The following SAXO1 variants were observed in gnomAD, a reference collection of about 807,000 sequenced individuals.
The protein encoded by SAXO1 is stabilizer of axonemal microtubules 1.
Under a neutral mutation model 17.5 loss-of-function variants are expected in SAXO1, and 21 were observed. The observed-to-expected ratio is 1.20, with a 90% confidence interval of 0.85 to 1.72. The LOEUF is 1.72. Ranked by LOEUF, SAXO1 falls within the 40% of genes most tolerant of loss-of-function variation. The probability of loss-of-function intolerance (pLI) is 0.00; values close to 1 mark genes in which losing one functional copy is unlikely to be tolerated. For missense variants in SAXO1, 843 were observed against 596.0 expected (o/e 1.41, Z -4.32); for synonymous variants, 274 against 216.5 (o/e 1.27, Z -2.33).
At position 18,938,830 on chromosome 9, in the gene SAXO1, G is replaced by GTGTGTGTGTGTGTGTA. The variant is rs1554667866; in HGVS notation, c.421+2806_421+2807insTACACACACACACACA. Among the ~76,000 whole-genome samples, 295 of 147,864 alleles carry GTGTGTGTGTGTGTGTA rather than the reference G, an allele frequency of 2.0e-3. 3 individuals carry two copies. Among genetic ancestry groups the GTGTGTGTGTGTGTGTA allele is most frequent in the African/African-American group, 6.8e-3 (272 of 40,044 alleles). ...GGTGCATGCGTGCGTGCGTGTGTGT[G>GTGTGTGTGTGTGTGTA]TGTGTGTGTGTGTGTGTGTGTGTAT... On this transcript the variant is annotated intron_variant, in intron 3 of 3. Transcript: ENST00000380534.
intron 1 of SAXO1, among the ~76,000 whole-genome samples, chr9:19,020,219 G>A (rs1181943402): frequency 6.6e-6 from 1 of 152,040 alleles, no homozygotes; most frequent in Non-Finnish European, 1.5e-5. Context: ...AACTGAAAAG[G>A]CCAAGATAAA....
At chr9:19,026,032 C>T (rs1221000757) in intron 1 of SAXO1, among the ~76,000 whole-genome samples, 2 of 152,066 alleles carry the variant, frequency 1.3e-5, no homozygotes, top group Admixed American at 1.3e-4. Flanking sequence ...AAATAAATTA[C>T]AGTGTTTGAT....
chr9:18,928,892 C>G lies in SAXO1; in HGVS notation c.585G>C (p.Lys195Asn). 1 of 1,614,174 alleles carries G rather than the reference C, an allele frequency of 6.2e-7. No homozygotes were observed. Among genetic ancestry groups the G allele is most frequent in the African/African-American group, 1.3e-5 (1 of 75,044 alleles). Residue 195 changes from lysine to asparagine, a missense_variant, in exon 4 of 4, where the codon AAG becomes AAC. Coordinates refer to ENST00000380534, the MANE Select transcript of SAXO1 (RefSeq NM_153707.4). ...TISCKPLAMP[K>N]LCNIPLEDVT... ...CATCCTCCAAGGGGATGTTACAGAGCTTTGGCATGGCCAGAGGTTTACAGC... is the reference window on the plus strand; with the variant it reads ...CATCCTCCAAGGGGATGTTACAGAGGTTTGGCATGGCCAGAGGTTTACAGC...
chr9:19,046,744 T>C (rs947813837), intron 1 of SAXO1, among the ~76,000 whole-genome samples: 1 of 150,990 alleles, frequency 6.6e-6, no homozygotes. Flanking sequence ...CACACACCTA[T>C]AATCCTAGCT....
intron 2 of SAXO1, among the ~76,000 whole-genome samples, chr9:18,945,707 C>G (rs1831762402): frequency 6.6e-6 from 1 of 152,190 alleles, no homozygotes; most frequent in Admixed American, 6.5e-5. Flanking sequence ...CCTCTGAGTC[C>G]CTCAACTCCC....
At chr9:18,983,244 G>A (rs1833469248) in intron 1 of SAXO1, among the ~76,000 whole-genome samples, 1 of 152,168 alleles carries the variant, frequency 6.6e-6, no homozygotes, top group Non-Finnish European at 1.5e-5. Context: ...AATCATGGCA[G>A]AAGGTGAAGG....
At chr9:19,019,862 C>T (rs2131014113) in intron 1 of SAXO1, among the ~76,000 whole-genome samples, 1 of 152,266 alleles carries the variant, frequency 6.6e-6, no homozygotes, top group South Asian at 2.1e-4. Context: ...GTTCCACATT[C>T]TGAACAACCC....
At chr9:18,961,352 A>G (rs1832474412) in intron 1 of SAXO1, among the ~76,000 whole-genome samples, 1 of 151,886 alleles carries the variant, frequency 6.6e-6, no homozygotes, top group Non-Finnish European at 1.5e-5. Context: ...TTTTTGTTTT[A>G]TTATACTTTA....
At chr9:18,948,911 C>T (rs1323756456) in intron 2 of SAXO1, among the ~76,000 whole-genome samples, 1 of 152,154 alleles carries the variant, frequency 6.6e-6, no homozygotes, top group East Asian at 1.9e-4. Context: ...GGAGACCGAA[C>T]AAGATATTTG....
intron 1 of SAXO1, among the ~76,000 whole-genome samples, chr9:18,996,815 A>T (rs1483821309): frequency 2.0e-5 from 3 of 152,238 alleles, no homozygotes; most frequent in Admixed American, 6.5e-5. Flanking sequence ...CTTCTATTCA[A>T]CATAGTATTT....
At chr9:18,998,307 G>A (rs944313692) in intron 1 of SAXO1, among the ~76,000 whole-genome samples, 1 of 152,056 alleles carries the variant, frequency 6.6e-6, no homozygotes, top group Non-Finnish European at 1.5e-5. Flanking sequence ...TAAGAGAACT[G>A]CATGAAGCAT....
At chr9:18,959,404 A>G (rs978601666) in intron 1 of SAXO1, among the ~76,000 whole-genome samples, 5 of 152,138 alleles carry the variant, frequency 3.3e-5, no homozygotes, top group South Asian at 2.1e-4. Flanking sequence ...GAGAGGGGAG[A>G]GAAGAATCAG....
At position 18,928,531 on chromosome 9, in the gene SAXO1, C is replaced by A. The variant is rs116325100; in HGVS notation, c.946G>T (p.Gly316Cys). The change falls in exon 4 of 4, where the codon GGT becomes TGT. Residue 316 changes from glycine to cysteine, a missense_variant. Transcript: ENST00000380534. ...TVQAHYTCPKGAPAQSCRPAL... is the reference protein window; with the variant it reads ...TVQAHYTCPKCAPAQSCRPAL... ...GGTCGGCAGGACTGAGCTGGGGCAC[C>A]CTTAGGGCATGTGTAATGGGCCTGC... 5.0e-6 allele frequency: 8 copies of A among 1,613,964 alleles called. No individual in the cohort carries two copies. In the Admixed American group the frequency reaches 5.0e-5, roughly 10 times the overall value.
intron 1 of SAXO1, among the ~76,000 whole-genome samples, chr9:19,041,160 T>G (rs1468565470): frequency 1.4e-5 from 1 of 71,934 alleles, no homozygotes; most frequent in African/African-American, 9.6e-5. Context: ...GTGAACAATC[T>G]GAAAAAAAAA....
chr9:18,977,461 T>C (rs1833196454), intron 1 of SAXO1, among the ~76,000 whole-genome samples: 1 of 152,206 alleles, frequency 6.6e-6, no homozygotes, highest in Non-Finnish European at 1.5e-5. Flanking sequence ...AGGAGGTGTC[T>C]AAGGCTTACA....
chr9:19,005,507 A>T (rs1277157621), intron 1 of SAXO1, among the ~76,000 whole-genome samples: 5 of 152,238 alleles, frequency 3.3e-5, no homozygotes, highest in African/African-American at 1.2e-4. Context: ...CAACAAAGGT[A>T]TCAAGACTAT....
At chr9:18,938,817 C>CGT (rs1554667827) in intron 3 of SAXO1, among the ~76,000 whole-genome samples, 7 of 63,322 alleles carry the variant, frequency 1.1e-4, no homozygotes, top group South Asian at 5.7e-4. Context: ...TGCATGCGTG[C>CGT]GTGCGTGTGT....
chr9:19,006,985 C>A (rs1834506365), intron 1 of SAXO1, among the ~76,000 whole-genome samples: 1 of 151,866 alleles, frequency 6.6e-6, no homozygotes, highest in Admixed American at 6.6e-5. Flanking sequence ...GCAAAGGATG[C>A]AGTGAGATGA....
chr9:19,027,626 G>A lies in SAXO1; in HGVS notation c.38+5245C>T, dbSNP rs564927511. 1.0e-5 allele frequency: 15 copies of A among 1,435,100 alleles called. No homozygotes were observed. The African/African-American group carries it at 1.8e-4, about 17-fold the overall frequency. 88.9% of individuals were successfully genotyped at this position (1,435,100 alleles called of 1,614,324 possible). A position where few individuals can be genotyped will look rare whatever the true frequency, so the allele number is the denominator to read the frequency against. Reference sequence around the variant, plus strand: ...GGTGCAGATGTTCACTGGAGATGGTGCCAAGCTAGTCCGGGATGCCTTCGC... The same window carrying A: ...GGTGCAGATGTTCACTGGAGATGGTACCAAGCTAGTCCGGGATGCCTTCGC... On this transcript the variant is annotated intron_variant, in intron 1 of 3. Transcript: ENST00000380534.
Sources: gnomAD v4.1 joint callset for allele counts (sites outside exome capture counted in the v4.1 genomes callset) on GRCh38, gnomAD v4.1.1 for gene constraint, MANE v1.5 for transcripts, NCBI Gene and HGNC (gene_info 2026-07-23, HGNC 2026-07-21) for gene names.